CYP4F22: variants seen among roughly 807,000 people sequenced by gnomAD.
CYP4F22 encodes the protein cytochrome P450 family 4 subfamily F member 22.
In CYP4F22, 37 loss-of-function variants were observed where a neutral mutation model predicts 60.4. The observed-to-expected ratio is 0.61, with a 90% CI of 0.47 to 0.81. CYP4F22 has a LOEUF of 0.81. CYP4F22 is among the 30% of genes least tolerant of loss of function. The pLI, the probability that CYP4F22 is intolerant of heterozygous loss-of-function variation, is 0.00. For synonymous variants in CYP4F22, 258 were observed against 280.5 expected (o/e 0.92, Z 0.80); for missense variants, 655 against 715.0 (o/e 0.92, Z 0.96).
chr19:15,544,321 C>T, intron 10 of CYP4F22, 42 bp downstream of exon 10: 1 of 1,596,380 alleles, frequency 6.3e-7, no homozygotes, highest in East Asian at 2.3e-5. Context: ...AGGTTGAGGC[C>T]AGAGCCTTGG....
At chr19:15,529,926 G>A (rs1971324835) in intron 4 of CYP4F22, 73 bp downstream of exon 4, 2 of 1,601,334 alleles carry the variant, frequency 1.2e-6, no homozygotes, top group Admixed American at 3.3e-5. Context: ...CTAGGCAGGT[G>A]GGATATCCAG....
At chr19:15,522,200 A>T (rs1290279186) in intron 1 of CYP4F22, among the ~76,000 whole-genome samples, 1 of 151,200 alleles carries the variant, frequency 6.6e-6, no homozygotes, top group African/African-American at 2.4e-5. Context: ...AGTGCACAAC[A>T]GTTCCAATTT....
intron 10 of CYP4F22, among the ~76,000 whole-genome samples, chr19:15,545,699 A>C (rs1971518802): frequency 6.7e-6 from 1 of 150,032 alleles, no homozygotes. Flanking sequence ...AAAGAAGAAA[A>C]ACACAGCCGC....
At chr19:15,534,565 C>G (rs1971375908) in intron 4 of CYP4F22, among the ~76,000 whole-genome samples, 1 of 152,048 alleles carries the variant, frequency 6.6e-6, no homozygotes, top group Admixed American at 6.6e-5. Flanking sequence ...GATCCTCCTG[C>G]CTCTGCCTCC....
Position 15,525,465 on chromosome 19 carries a change from GAGGCT to G in CYP4F22, c.130_134del (p.Arg44LeufsTer34). On this transcript the variant is annotated frameshift_variant, in exon 3 of 14. Coordinates refer to ENST00000269703, the MANE Select transcript of CYP4F22 (RefSeq NM_173483.4). LOFTEE classifies it high-confidence loss of function. ...TGTTCCGCCTGCTGCTGCGGTTCCT[GAGGCT>G]CTGCAGGAGCTTCTACATCACCTGC... The G allele has an allele frequency of 1.2e-6, 2 of 1,614,054 alleles. No individual in the cohort carries two copies. Among genetic ancestry groups the G allele is most frequent in the Non-Finnish European group, 1.7e-6 (2 of 1,180,022 alleles).
chr19:15,514,849 C>G (rs1971135500), intron 1 of CYP4F22, among the ~76,000 whole-genome samples: 1 of 152,122 alleles, frequency 6.6e-6, no homozygotes, highest in Non-Finnish European at 1.5e-5. Flanking sequence ...GGGGCCGTGG[C>G]ACACTAGAAG....
chr19:15,541,752 C>T (rs1971465249), intron 8 of CYP4F22, among the ~76,000 whole-genome samples: 1 of 151,130 alleles, frequency 6.6e-6, no homozygotes, highest in African/African-American at 2.4e-5. Flanking sequence ...TGGTGGCACA[C>T]ACCTGTAATC....
rs1971556745 is a variant in CYP4F22, at chr19:15,548,298, T to G, written c.1270+57T>G. The G allele has an allele frequency of 2.5e-6, 4 of 1,610,472 alleles. No individual in the cohort carries two copies. The South Asian group carries it at 4.4e-5, about 18-fold the overall frequency. ...ACTGCCTCCAATGATGTAGCTGCTC[T>G]ATTGTCCACAGGGGCCTGGCTATGC... On this transcript the variant is annotated intron_variant, in intron 11 of 13. Coordinates refer to ENST00000269703, the MANE Select transcript of CYP4F22 (RefSeq NM_173483.4).
chr19:15,532,829 C>T (rs1971358380), intron 4 of CYP4F22, among the ~76,000 whole-genome samples: 1 of 152,176 alleles, frequency 6.6e-6, no homozygotes, highest in Non-Finnish European at 1.5e-5. Context: ...AAGCCTCTTG[C>T]CCTCCCCTCA....
intron 2 of CYP4F22, among the ~76,000 whole-genome samples, chr19:15,525,099 G>T (rs1469608280): frequency 6.6e-6 from 1 of 152,208 alleles, no homozygotes; most frequent in African/African-American, 2.4e-5. Context: ...ATGCCCTATG[G>T]TAGAGAAGTC....
At chr19:15,509,403 G>C (rs1971057019) in intron 1 of CYP4F22, among the ~76,000 whole-genome samples, 1 of 152,156 alleles carries the variant, frequency 6.6e-6, no homozygotes. Flanking sequence ...TGTAGGCAAA[G>C]GAGATGGCCA....
chr19:15,548,147 T>C lies in CYP4F22; in HGVS notation c.1176T>C (p.Ile392=). The change falls in exon 11 of 14, where the codon ATT becomes ATC. Residue 392 remains isoleucine, a synonymous_variant. Coordinates refer to ENST00000269703, the MANE Select transcript of CYP4F22 (RefSeq NM_173483.4). ...AGCTGCCCTTTACAACTATGTGCAT[T>C]AAGGAGAGCCTGCGCCAGTACCCAC... is the stretch of plus-strand genomic sequence containing the variant. ...LTQLPFTTMC[I]KESLRQYPPV... is the part of the protein sequence containing the mutation. 6.2e-7 allele frequency: 1 copy of C among 1,613,680 alleles called. No individual in the cohort carries two copies. Among genetic ancestry groups the C allele is most frequent in the South Asian group, 1.1e-5 (1 of 91,070 alleles).
At chr19:15,510,945 C>CATATATATATATTTATAT (rs1460338117) in intron 1 of CYP4F22, among the ~76,000 whole-genome samples, 6 of 111,626 alleles carry the variant, frequency 5.4e-5, no homozygotes, top group African/African-American at 2.2e-4. Context: ...ATAGGGATAC[C>CATATATATATATTTATAT]ATATATATAT....
At chr19:15,537,506 G>T (rs1425853842) in intron 5 of CYP4F22, 29 bp from the exon 6 acceptor site, 1 of 1,614,150 alleles carries the variant, frequency 6.2e-7, no homozygotes, top group Admixed American at 1.7e-5. Flanking sequence ...TAACAGGAGA[G>T]GTCCCTAACC....
At chr19:15,523,158 C>T (rs2144509554) in intron 1 of CYP4F22, among the ~76,000 whole-genome samples, 1 of 151,404 alleles carries the variant, frequency 6.6e-6, no homozygotes, top group African/African-American at 2.4e-5. Context: ...AGTTCAAGAC[C>T]AGCCTGGCCA....
intron 1 of CYP4F22, among the ~76,000 whole-genome samples, chr19:15,512,468 G>A (rs570974070): frequency 1.4e-3 from 214 of 152,210 alleles, no homozygotes; most frequent in Non-Finnish European, 2.0e-3. Flanking sequence ...ACCATGCCCA[G>A]CTATTTCTTT....
rs988084637 is a variant in CYP4F22 at position 15,543,661 on chromosome 19, G to A, written c.940-310G>A. 4.6e-5 allele frequency among the ~76,000 whole-genome samples: 7 copies of A among 152,068 alleles called. 1 individual carries two copies. In the South Asian group the frequency reaches 6.2e-4, roughly 14 times the overall value. On this transcript the variant is annotated intron_variant, in intron 8 of 13. Transcript: ENST00000269703. ...CACTTGAGGCCACGAGTTCGAGACC[G>A]GCCTGGCCAATATGGCAAAATTGCA...
rs528107410 is a variant in CYP4F22 at position 15,542,107 on chromosome 19, C to A, written c.939+1390C>A. Reference sequence around the variant, plus strand: ...AAAACCTGATCACAAGGTTGTCAGGCATCCAGTGGGATGCTTGGTGTTGGA... The same window carrying A: ...AAAACCTGATCACAAGGTTGTCAGGAATCCAGTGGGATGCTTGGTGTTGGA... On this transcript the variant is annotated intron_variant, in intron 8 of 13. Coordinates refer to ENST00000269703, the MANE Select transcript of CYP4F22 (RefSeq NM_173483.4). Among the ~76,000 whole-genome samples, 97 of 152,328 alleles carry A rather than the reference C, an allele frequency of 6.4e-4. 2 individuals carry two copies. The highest frequency in any genetic ancestry group is 4.1e-3 in the South Asian group (20 of 4,830).
intron 8 of CYP4F22, among the ~76,000 whole-genome samples, chr19:15,543,305 C>T (rs1271877084): frequency 6.6e-6 from 1 of 152,108 alleles, no homozygotes; most frequent in Non-Finnish European, 1.5e-5. Flanking sequence ...GCTTAATCCT[C>T]CTGCCTCAGC....
Sources: allele counts gnomAD v4.1 joint callset (sites outside exome capture counted in the v4.1 genomes callset), GRCh38; gene constraint gnomAD v4.1.1; transcripts MANE v1.5; gene names NCBI Gene and HGNC (gene_info 2026-07-23, HGNC 2026-07-21).